Variants in CENPW observed in about 807,000 individuals in gnomAD.
The protein encoded by CENPW is cancer-up-regulated gene 2 protein.
A neutral mutation model predicts 11.1 loss-of-function variants in CENPW; 3 were observed. The observed-to-expected ratio is 0.27, with a 90% confidence interval of 0.12 to 0.70. The LOEUF (loss-of-function observed/expected upper bound fraction) is 0.70, where lower values mean the gene tolerates loss of function less well. Among genes scored for constraint, CENPW ranks in the 30% least tolerant of loss-of-function variants. CENPW has a pLI of 0.77. For synonymous variants in CENPW, 38 were observed against 42.0 expected (o/e 0.91, Z 0.37); for missense variants, 100 against 105.6 (o/e 0.95, Z 0.23).
At chr6:126,417,319 G>A in the CENPW span, among the ~76,000 whole-genome samples, 1 of 152,136 alleles carries the variant, frequency 6.6e-6, no homozygotes, top group Admixed American at 6.5e-5. Flanking sequence ...ACTGGCTCAT[G>A]GGCAGAAGGG....
chr6:126,447,334 A>G, the CENPW span, among the ~76,000 whole-genome samples: 1 of 151,228 alleles, frequency 6.6e-6, no homozygotes, highest in Non-Finnish European at 1.5e-5. Context: ...TGGTCAGGAG[A>G]GAATTGTTTT....
chr6:126,373,499 A>G, the CENPW span, among the ~76,000 whole-genome samples: 10 of 152,376 alleles, frequency 6.6e-5, no homozygotes, highest in East Asian at 1.9e-3. Flanking sequence ...TTACGACAGC[A>G]GCAAGTATTT....
At chr6:126,398,417 G>A in the CENPW span, among the ~76,000 whole-genome samples, 2 of 152,092 alleles carry the variant, frequency 1.3e-5, no homozygotes, top group Non-Finnish European at 2.9e-5. Context: ...GTATCCATGA[G>A]GAGTTAGTTC....
chr6:126,381,925 C>T, the CENPW span, among the ~76,000 whole-genome samples: 6 of 152,040 alleles, frequency 3.9e-5, no homozygotes, highest in Non-Finnish European at 7.4e-5. Flanking sequence ...TGAAGCCAGT[C>T]GACTGAACCC....
the CENPW span, among the ~76,000 whole-genome samples, chr6:126,414,670 A>G: frequency 6.6e-6 from 1 of 152,100 alleles, no homozygotes; most frequent in Admixed American, 6.5e-5. Flanking sequence ...CTACACCAAA[A>G]AAGTAAAAAG....
At chr6:126,409,990 CCT>C in the CENPW span, among the ~76,000 whole-genome samples, 1 of 151,610 alleles carries the variant, frequency 6.6e-6, no homozygotes, top group African/African-American at 2.4e-5. Context: ...GTTCTTTCTT[CCT>C]CTCTTATTGT....
chr6:126,384,963 C>G, the CENPW span, among the ~76,000 whole-genome samples: 2 of 152,192 alleles, frequency 1.3e-5, no homozygotes, highest in Non-Finnish European at 2.9e-5. Context: ...TCAACAGACA[C>G]TTTTCAAATG....
the CENPW span, among the ~76,000 whole-genome samples, chr6:126,413,006 T>C: frequency 2.0e-5 from 3 of 152,168 alleles, no homozygotes; most frequent in Admixed American, 2.0e-4. Context: ...GCTGTATATC[T>C]TTATGACATT....
chr6:126,396,281 C>A, the CENPW span, among the ~76,000 whole-genome samples: 1 of 152,214 alleles, frequency 6.6e-6, no homozygotes, highest in African/African-American at 2.4e-5. Context: ...TCCCATCCCC[C>A]TGCCACCCTG....
At chr6:126,404,800 C>A in the CENPW span, among the ~76,000 whole-genome samples, 2 of 146,372 alleles carry the variant, frequency 1.4e-5, no homozygotes, top group African/African-American at 5.0e-5. Context: ...TGTATGTTTT[C>A]TTTGAGAGCT....
the CENPW span, among the ~76,000 whole-genome samples, chr6:126,439,627 C>T: frequency 1.3e-5 from 2 of 151,574 alleles, no homozygotes; most frequent in African/African-American, 4.8e-5. Flanking sequence ...AATATTTGTA[C>T]ATGAATGTTT....
chr6:126,438,347 C>G, the CENPW span, among the ~76,000 whole-genome samples: 1 of 151,704 alleles, frequency 6.6e-6, no homozygotes, highest in African/African-American at 2.4e-5. Flanking sequence ...GATATGTGAC[C>G]TATTGAAAAC....
chr6:126,471,583 A>T, the CENPW span, among the ~76,000 whole-genome samples: 2 of 152,238 alleles, frequency 1.3e-5, no homozygotes, highest in African/African-American at 4.8e-5. Flanking sequence ...ACTGGAATGG[A>T]TAAATATATA....
the CENPW span, among the ~76,000 whole-genome samples, chr6:126,458,730 G>A: frequency 4.6e-5 from 7 of 151,440 alleles, no homozygotes; most frequent in South Asian, 4.1e-4. Context: ...CTGGAGAAAG[G>A]AGTCATCATC....
chr6:126,350,569 C>G (rs920793477), downstream of CENPW, among the ~76,000 whole-genome samples: 5 of 152,128 alleles, frequency 3.3e-5, no homozygotes, highest in African/African-American at 1.2e-4. Context: ...TTTTGGGGGA[C>G]ACAAACATTT....
chr6:126,381,393 A>AT, the CENPW span, among the ~76,000 whole-genome samples: 1 of 152,118 alleles, frequency 6.6e-6, no homozygotes, highest in African/African-American at 2.4e-5. Flanking sequence ...AAATGCATGC[A>AT]TATACACTTT....
chr6:126,451,838 G>T, the CENPW span, among the ~76,000 whole-genome samples: 86 of 151,244 alleles, frequency 5.7e-4, no homozygotes, highest in Non-Finnish European at 9.9e-4. Flanking sequence ...GGTTAGTATT[G>T]TGGCAATCAT....
At chr6:126,389,334 G>C in the CENPW span, among the ~76,000 whole-genome samples, 1 of 151,750 alleles carries the variant, frequency 6.6e-6, no homozygotes, top group South Asian at 2.1e-4. Flanking sequence ...TTTGTTTTTT[G>C]TTAATAGGAA....
chr6:126,440,983 T>G, the CENPW span, among the ~76,000 whole-genome samples: 3 of 151,542 alleles, frequency 2.0e-5, no homozygotes, highest in East Asian at 5.9e-4. Flanking sequence ...TTGACTCCCT[T>G]CTAACATAAT....
Sources: gnomAD v4.1 joint callset for allele counts (sites outside exome capture counted in the v4.1 genomes callset) on GRCh38, gnomAD v4.1.1 for gene constraint, MANE v1.5 for transcripts, NCBI Gene and HGNC (gene_info 2026-07-23, HGNC 2026-07-21) for gene names.